TCTN3: variants seen among roughly 807,000 people sequenced by gnomAD.
The protein encoded by TCTN3 is tectonic-3.
TCTN3 carries 57 observed loss-of-function variants against 71.3 expected under a neutral mutation model. That is an observed-to-expected ratio of 0.80 (90% CI 0.65 to 1.00). The LOEUF (loss-of-function observed/expected upper bound fraction) is 1.00. TCTN3 is among the 50% of genes least tolerant of loss of function. The probability of loss-of-function intolerance (pLI) is 0.00; values close to 1 mark genes in which losing one functional copy is unlikely to be tolerated. For missense variants in TCTN3, 696 were observed against 719.9 expected, an observed-to-expected ratio of 0.97 and a Z score of 0.38; for synonymous variants, 258 against 267.8, an observed-to-expected ratio of 0.96 and a Z score of 0.36.
Position 95,693,682 on chromosome 10 carries a change from G to A in TCTN3, c.218C>T (p.Pro73Leu), listed in dbSNP as rs1409847194. Residue 73 changes from proline to leucine, a missense_variant, in exon 1 of 14, where the codon CCC becomes CTC. Pro to Leu is a moderately conservative substitution (Grantham distance 98). Transcript: ENST00000371217. ...CACAGTCCTATTCCCAGGGGCCGAG[G>A]GAGTCACGAGAGTAGGGACCACTGT... is the stretch of plus-strand genomic sequence containing the variant. ...LPTVVPTLVTPSAPGNRTVDL... is the reference protein window; with the variant it reads ...LPTVVPTLVTLSAPGNRTVDL... 2 of 1,551,588 alleles carry A rather than the reference G, an allele frequency of 1.3e-6. No homozygotes were observed. Among genetic ancestry groups the A allele is most frequent in the African/African-American group, 2.7e-5 (2 of 73,044 alleles).
intron 3 of TCTN3, among the ~76,000 whole-genome samples, chr10:95,688,727 A>C (rs1450541789): frequency 1.3e-5 from 2 of 152,172 alleles, no homozygotes; most frequent in African/African-American, 2.4e-5. Flanking sequence ...TTTCTGGAAG[A>C]ATTCTCTAAT....
In TCTN3 at chr10:95,687,028, G is replaced by T; in HGVS notation, c.852+16C>A. The T allele has an allele frequency of 1.3e-6, 2 of 1,586,388 alleles. No homozygotes were observed. Among genetic ancestry groups the T allele is most frequent in the South Asian group, 2.2e-5 (2 of 90,478 alleles). ...CTTCATAGTAGTGACAGTGTAGGGA[G>T]AGAAAGGACACCTACCTTTAAGACT... On this transcript the variant is annotated intron_variant, in intron 6 of 13. Transcript: ENST00000371217.
chr10:95,682,867 A>C (rs1044585402), intron 11 of TCTN3, 63 bp from the exon 12 acceptor site: 5 of 1,538,854 alleles, frequency 3.2e-6, no homozygotes, highest in Middle Eastern at 1.8e-4. Flanking sequence ...CTATATTAGT[A>C]CGGTATGTTA....
intron 7 of TCTN3, 127 bp from the exon 8 acceptor site, chr10:95,685,763 A>C: frequency 1.5e-6 from 1 of 670,204 alleles, no homozygotes; most frequent in Admixed American, 2.7e-5. Flanking sequence ...CTCTTCTTCC[A>C]GTGCCAGCCA....
At chr10:95,681,445 G>A (rs1392646208) in intron 12 of TCTN3, among the ~76,000 whole-genome samples, 1 of 152,178 alleles carries the variant, frequency 6.6e-6, no homozygotes, top group East Asian at 1.9e-4. Context: ...GCACTGGCTT[G>A]AGCAGATCAT....
intron 13 of TCTN3, among the ~76,000 whole-genome samples, chr10:95,673,425 G>C (rs1197076163): frequency 6.6e-6 from 1 of 151,926 alleles, no homozygotes; most frequent in Non-Finnish European, 1.5e-5. Flanking sequence ...TCATCCAGTT[G>C]TCCCAGCACC....
chr10:95,668,308 A>T (rs2097927659), intron 13 of TCTN3, among the ~76,000 whole-genome samples: 1 of 150,894 alleles, frequency 6.6e-6, no homozygotes, highest in Admixed American at 6.6e-5. Context: ...GGAAATTGTT[A>T]ATCATGTAAT....
chr10:95,686,637 G>A (rs2139747558), intron 6 of TCTN3, 107 bp from the exon 7 acceptor site: 1 of 1,047,554 alleles, frequency 9.5e-7, no homozygotes, highest in East Asian at 2.4e-5. Flanking sequence ...GGGCAGGGGA[G>A]TCAATATATT....
intron 3 of TCTN3, among the ~76,000 whole-genome samples, chr10:95,688,345 G>A (rs368610555): frequency 2.2e-5 from 3 of 138,608 alleles, no homozygotes; most frequent in South Asian, 2.3e-4. Context: ...AGCCGAGGTC[G>A]CACCACTGCA....
At chr10:95,667,354 C>T (rs927985265) in intron 13 of TCTN3, among the ~76,000 whole-genome samples, 6 of 152,092 alleles carry the variant, frequency 3.9e-5, no homozygotes, top group African/African-American at 1.4e-4. Flanking sequence ...AATGGGGAGA[C>T]ATCATAATAT....
chr10:95,670,061 C>CAAA (rs34609339), intron 13 of TCTN3, among the ~76,000 whole-genome samples: 35 of 81,028 alleles, frequency 4.3e-4, no homozygotes, highest in Admixed American at 6.1e-4. Flanking sequence ...GACTCCGTCT[C>CAAA]AAAAAAAAAA....
At chr10:95,670,540 T>A (rs182471219) in intron 13 of TCTN3, among the ~76,000 whole-genome samples, 22 of 151,798 alleles carry the variant, frequency 1.4e-4, no homozygotes, top group East Asian at 3.9e-4. Context: ...TTGTATATTT[T>A]TTTTTTTAGT....
chr10:95,682,776 G>T lies in TCTN3; in HGVS notation c.1327C>A (p.Gln443Lys). The T allele has an allele frequency of 6.2e-7, 1 of 1,614,032 alleles. No homozygotes were observed. Among genetic ancestry groups the T allele is most frequent in the Non-Finnish European group, 8.5e-7 (1 of 1,179,976 alleles). The stretch of plus-strand genomic sequence containing the variant: ...TGAAGAGTCTGATAAATCTCCTGCT[G>T]CAAGTGGCTGCAGTCTGCCTTCTTC... ...RLKKADCSHL[Q>K]QEIYQTLHGR... Residue 443 changes from glutamine (Q) to lysine (K), a missense_variant, in exon 12 of 14, where the codon CAG becomes AAG. Coordinates refer to ENST00000371217, the MANE Select transcript of TCTN3 (RefSeq NM_015631.6).
chr10:95,664,000 A>C lies in TCTN3; in HGVS notation c.*67T>G. ...GTCATGAGCAGGTGAGGTTCTATTT[A>C]GCCAAGATAAGTGGCTGCCTCAGAG... On this transcript the variant is annotated 3_prime_UTR_variant, in exon 14 of 14. Coordinates refer to ENST00000371217, the MANE Select transcript of TCTN3 (RefSeq NM_015631.6). 7.3e-7 allele frequency: 1 copy of C among 1,367,508 alleles called. No individual in the cohort carries two copies. The highest frequency in any genetic ancestry group is 1.0e-6 in the Non-Finnish European group (1 of 962,230). 84.7% of individuals were successfully genotyped at this position (1,367,508 alleles called of 1,614,324 possible).
At chr10:95,688,215 C>A (rs1396104008) in intron 3 of TCTN3, among the ~76,000 whole-genome samples, 2 of 151,484 alleles carry the variant, frequency 1.3e-5, no homozygotes, top group African/African-American at 4.8e-5. Context: ...ATACTGAAAC[C>A]CCATCTCTAC....
rs2097944339 is a variant in TCTN3, at chr10:95,682,765, A to T, written c.1338T>A (p.Ile446=). 1.9e-6 allele frequency: 3 copies of T among 1,613,988 alleles called. No homozygotes were observed. Among genetic ancestry groups the T allele is most frequent in the Non-Finnish European group, 2.5e-6 (3 of 1,180,014 alleles). The part of the protein sequence containing the change: ...KADCSHLQQE[I]YQTLHGRPRP... ...TGGGCCTTCCATGAAGAGTCTGATA[A>T]ATCTCCTGCTGCAAGTGGCTGCAGT... Residue 446 remains isoleucine, a synonymous_variant, in exon 12 of 14, where the codon ATT becomes ATA. Transcript: ENST00000371217.
chr10:95,685,526 C>T (rs571235869), intron 8 of TCTN3, 30 bp downstream of exon 8: 54 of 1,517,732 alleles, frequency 3.6e-5, no homozygotes, highest in East Asian at 2.9e-4. Context: ...TAACACACAT[C>T]AGTCCAGAAT....
chr10:95,682,561 A>G, intron 12 of TCTN3, 90 bp downstream of exon 12: 2 of 1,430,160 alleles, frequency 1.4e-6, no homozygotes, highest in Non-Finnish European at 1.9e-6. Context: ...TGCATTATCT[A>G]TGGAGACAAG....
At chr10:95,666,060 C>G (rs1329451659) in intron 13 of TCTN3, among the ~76,000 whole-genome samples, 1 of 151,950 alleles carries the variant, frequency 6.6e-6, no homozygotes, top group Non-Finnish European at 1.5e-5. Context: ...CCTGCCTCAG[C>G]CTCCCGAGTA....
Sources: gnomAD v4.1 joint callset for allele counts (sites outside exome capture counted in the v4.1 genomes callset) on GRCh38, gnomAD v4.1.1 for gene constraint, MANE v1.5 for transcripts, NCBI Gene and HGNC (gene_info 2026-07-23, HGNC 2026-07-21) for gene names.